Variants in MCTP1 observed in about 807,000 individuals in gnomAD.
MCTP1 encodes multiple C2 and transmembrane domain containing 1.
A neutral mutation model predicts 120.6 loss-of-function variants in MCTP1; 69 were observed. That is an observed-to-expected ratio of 0.57 (90% CI 0.47 to 0.70). MCTP1 has a LOEUF of 0.70. MCTP1 is among the 30% of genes least tolerant of loss of function. The pLI is 0.00. For synonymous variants in MCTP1, 529 were observed against 493.1 expected, an observed-to-expected ratio of 1.07 and a Z score of -0.96; for missense variants, 1,203 against 1,248.8, an observed-to-expected ratio of 0.96 and a Z score of 0.55.
chr5:95,242,050 C>T (rs1406464864), intron 1 of MCTP1, among the ~76,000 whole-genome samples: 2 of 152,080 alleles, frequency 1.3e-5, no homozygotes, highest in Non-Finnish European at 2.9e-5. Context: ...AAAAAAAGTC[C>T]TCAGAGAAAT....
intron 17 of MCTP1, among the ~76,000 whole-genome samples, chr5:94,816,980 A>T (rs1471578893): frequency 6.6e-6 from 1 of 152,180 alleles, no homozygotes; most frequent in African/African-American, 2.4e-5. Context: ...TGTTAGAGAT[A>T]AAAGGTGTCA....
intron 17 of MCTP1, among the ~76,000 whole-genome samples, chr5:94,818,362 C>T (rs1178559360): frequency 2.6e-5 from 4 of 152,154 alleles, no homozygotes; most frequent in African/African-American, 9.7e-5. Context: ...TCACACCTGG[C>T]CCCCATCAGA....
At chr5:94,952,193 A>AAAAAAAAAAAAAAAAC (rs1820803199) in intron 3 of MCTP1, among the ~76,000 whole-genome samples, 1 of 146,604 alleles carries the variant, frequency 6.8e-6, no homozygotes, top group Non-Finnish European at 1.5e-5. Flanking sequence ...AAAAAAAAAA[A>AAAAAAAAAAAAAAAAC]GCTATTGAAT....
intron 1 of MCTP1, among the ~76,000 whole-genome samples, chr5:95,211,770 G>GT (rs1326563131): frequency 6.6e-6 from 1 of 152,120 alleles, no homozygotes; most frequent in Non-Finnish European, 1.5e-5. Flanking sequence ...AGAGTTTCCA[G>GT]TTTTTTCTGC....
chr5:95,054,160 TACAAC>T (rs147276327), intron 1 of MCTP1, among the ~76,000 whole-genome samples: 180 of 152,276 alleles, frequency 1.2e-3, no homozygotes, highest in African/African-American at 4.0e-3. Flanking sequence ...GCCCAAGGAA[TACAAC>T]ACAATAGAAT....
chr5:95,165,169 T>A (rs1746183102), intron 1 of MCTP1, among the ~76,000 whole-genome samples: 1 of 152,110 alleles, frequency 6.6e-6, no homozygotes, highest in South Asian at 2.1e-4. Flanking sequence ...AAAAGATGAA[T>A]AACATTTTGG....
intron 1 of MCTP1, among the ~76,000 whole-genome samples, chr5:95,212,829 A>G (rs1018230062): frequency 6.6e-6 from 1 of 152,082 alleles, no homozygotes; most frequent in African/African-American, 2.4e-5. Context: ...CATGTTAAAA[A>G]CTCTCAATAA....
chr5:95,075,596 G>A (rs1382696674), intron 1 of MCTP1, among the ~76,000 whole-genome samples: 1 of 152,094 alleles, frequency 6.6e-6, no homozygotes, highest in Non-Finnish European at 1.5e-5. Flanking sequence ...AAAAATTAAT[G>A]TCTGATATAT....
chr5:94,890,664 A>C (rs1802380228), intron 11 of MCTP1, among the ~76,000 whole-genome samples: 1 of 152,218 alleles, frequency 6.6e-6, no homozygotes, highest in Admixed American at 6.5e-5. Context: ...CCAAATGATA[A>C]AATCTATTTC....
chr5:95,192,015 A>T (rs1749876233), intron 1 of MCTP1, among the ~76,000 whole-genome samples: 1 of 151,998 alleles, frequency 6.6e-6, no homozygotes, highest in Non-Finnish European at 1.5e-5. Context: ...CTAACTATAC[A>T]GCCAATATTT....
intron 11 of MCTP1, among the ~76,000 whole-genome samples, chr5:94,894,427 G>T (rs1322629143): frequency 6.6e-6 from 1 of 152,222 alleles, no homozygotes; most frequent in Non-Finnish European, 1.5e-5. Flanking sequence ...TCCAGAATTT[G>T]CTCTGGAAGA....
Position 95,084,890 on chromosome 5 carries a change from TA to T in MCTP1, c.721-67407del, listed in dbSNP as rs1410165010. On this transcript the variant is annotated intron_variant, in intron 1 of 22. Coordinates refer to ENST00000515393, the MANE Select transcript of MCTP1 (RefSeq NM_024717.7). ...GATTTCCACAGTTTCAACCCCTTTT[TA>T]AAAATGACACAGCTGAAGGTGCTTA... Among the ~76,000 whole-genome samples, 5 of 152,126 alleles carry T rather than the reference TA, an allele frequency of 3.3e-5. No individual in the cohort carries two copies. The East Asian group carries it at 9.6e-4, about 29-fold the overall frequency.
At chr5:94,826,633 C>G in intron 17 of MCTP1, 1 of 773,010 alleles carries the variant, frequency 1.3e-6, no homozygotes, top group South Asian at 1.4e-5. Flanking sequence ...AATTCCTTCA[C>G]TTTTTCTTGA....
chr5:94,791,424 G>C (rs1397895900), intron 18 of MCTP1, among the ~76,000 whole-genome samples: 1 of 152,046 alleles, frequency 6.6e-6, no homozygotes, highest in Non-Finnish European at 1.5e-5. Flanking sequence ...GAGTCTAGGA[G>C]TTCGAGGCTG....
chr5:94,928,209 A>AACACACACACACAC lies in MCTP1; in HGVS notation c.1212+3730_1212+3743dup, dbSNP rs60502360. Among the ~76,000 whole-genome samples, 574 of 148,530 alleles carry AACACACACACACAC rather than the reference A, an allele frequency of 3.9e-3. 3 individuals are homozygous for AACACACACACACAC. The highest frequency in any genetic ancestry group is 5.8e-3 in the East Asian group (29 of 4,982). On this transcript the variant is annotated intron_variant, in intron 6 of 22. Transcript: ENST00000515393. ...TGGTAAATTCATTATTCTAGGTTAAAACACACACACACACACACACACACA... is the reference window on the plus strand; with the variant it reads ...TGGTAAATTCATTATTCTAGGTTAAAACACACACACACACACACACACACACACACACACACACA...
rs537538484 is a variant in MCTP1, at chr5:94,764,211, A to G, written c.2610+14899T>C. 2.0e-5 allele frequency among the ~76,000 whole-genome samples: 3 copies of G among 152,314 alleles called. No homozygotes were observed. The East Asian group carries it at 5.8e-4, about 29-fold the overall frequency. On this transcript the variant is annotated intron_variant, in intron 19 of 22. Coordinates refer to ENST00000515393, the MANE Select transcript of MCTP1 (RefSeq NM_024717.7). ...AAAGAAAGTCACATGGACAAGTCTG[A>G]TATCAGTATGCAGGGACATATATCC...
intron 1 of MCTP1, among the ~76,000 whole-genome samples, chr5:95,040,640 A>T (rs1426958695): frequency 6.6e-6 from 1 of 151,928 alleles, no homozygotes; most frequent in Non-Finnish European, 1.5e-5. Flanking sequence ...GTCCAAACAG[A>T]CCCCAGTTTC....
chr5:94,919,344 T>C (rs990134917), intron 7 of MCTP1, among the ~76,000 whole-genome samples: 7 of 152,170 alleles, frequency 4.6e-5, no homozygotes, highest in Admixed American at 2.0e-4. Context: ...AAAAATGAGA[T>C]ATTTTATTTT....
In MCTP1 at chr5:94,767,711, T is replaced by C. The variant is rs187563548; in HGVS notation, c.2610+11399A>G. On this transcript the variant is annotated intron_variant, in intron 19 of 22. Transcript: ENST00000515393. ...CTAGGAATAAATTTAACCAAGGATG[T>C]AAAGGACCTCTACAAGGAAAACTAA... Among the ~76,000 whole-genome samples, 19 of 152,166 alleles carry C rather than the reference T, an allele frequency of 1.2e-4. No homozygotes were observed. In the East Asian group the frequency reaches 3.5e-3, roughly 28 times the overall value.
Sources: allele counts gnomAD v4.1 joint callset (sites outside exome capture counted in the v4.1 genomes callset), GRCh38; gene constraint gnomAD v4.1.1; transcripts MANE v1.5; gene names NCBI Gene and HGNC (gene_info 2026-07-23, HGNC 2026-07-21).